The following SLC39A11 variants were observed in gnomAD, a reference collection of about 807,000 sequenced individuals.
SLC39A11 encodes the protein solute carrier family 39 member 11.
Under a neutral mutation model 36.1 loss-of-function variants are expected in SLC39A11, and 33 were observed. That is an observed-to-expected ratio of 0.91 (90% confidence interval 0.69 to 1.22). The LOEUF is 1.22. Ranked by LOEUF, SLC39A11 falls within the 50% of genes most tolerant of loss-of-function variation. The pLI, the probability that SLC39A11 is intolerant of heterozygous loss-of-function variation, is 0.00. For missense variants in SLC39A11, 432 were observed against 430.3 expected, an observed-to-expected ratio of 1.00 and a Z score of -0.03; for synonymous variants, 166 against 170.3, an observed-to-expected ratio of 0.97 and a Z score of 0.20.
intron 5 of SLC39A11, among the ~76,000 whole-genome samples, chr17:72,861,780 A>ATC (rs1170602060): frequency 2.8e-4 from 25 of 87,936 alleles, no homozygotes; most frequent in South Asian, 7.1e-4. Flanking sequence ...ATATATATAT[A>ATC]TATCCAATGC....
chr17:72,753,910 A>AC (rs1316295909), intron 6 of SLC39A11, among the ~76,000 whole-genome samples: 5 of 149,634 alleles, frequency 3.3e-5, no homozygotes, highest in African/African-American at 1.2e-4. Flanking sequence ...AAAAAAAAAA[A>AC]AACCTGCACA....
At chr17:73,012,260 C>A (rs1354733506) in intron 4 of SLC39A11, among the ~76,000 whole-genome samples, 1 of 151,852 alleles carries the variant, frequency 6.6e-6, no homozygotes, top group Non-Finnish European at 1.5e-5. Flanking sequence ...TGTGACAGAG[C>A]AAGACTCTGT....
intron 5 of SLC39A11, among the ~76,000 whole-genome samples, chr17:72,923,347 G>A (rs2147292048): frequency 6.6e-6 from 1 of 152,240 alleles, no homozygotes. Flanking sequence ...GGCCAATGTG[G>A]ACTGGCCCTG....
intron 7 of SLC39A11, among the ~76,000 whole-genome samples, chr17:72,723,647 GAAT>G (rs937478203): frequency 2.6e-5 from 4 of 152,186 alleles, no homozygotes; most frequent in African/African-American, 9.7e-5. Context: ...GACTTCCGTT[GAAT>G]AATGTTATTT....
intron 3 of SLC39A11, among the ~76,000 whole-genome samples, chr17:73,077,332 T>C (rs1336159175): frequency 1.3e-5 from 2 of 152,228 alleles, no homozygotes; most frequent in Non-Finnish European, 2.9e-5. Flanking sequence ...TTATTGTTGT[T>C]TTGGGAGTGG....
At chr17:72,931,975 G>A (rs1441760144) in intron 5 of SLC39A11, among the ~76,000 whole-genome samples, 4 of 152,102 alleles carry the variant, frequency 2.6e-5, no homozygotes, top group Non-Finnish European at 4.4e-5. Flanking sequence ...AGACATGCAC[G>A]TCTTCTACAC....
intron 6 of SLC39A11, among the ~76,000 whole-genome samples, chr17:72,774,235 C>A (rs1414006341): frequency 6.6e-6 from 1 of 152,196 alleles, no homozygotes; most frequent in South Asian, 2.1e-4. Flanking sequence ...CAGACAGGCT[C>A]ATGGCCCTTG....
intron 5 of SLC39A11, among the ~76,000 whole-genome samples, chr17:72,934,090 T>A (rs2084596397): frequency 6.7e-6 from 1 of 149,626 alleles, no homozygotes. Flanking sequence ...AAACTTCAAA[T>A]AGATAGTAGA....
chr17:72,694,665 G>A (rs1380852799), intron 7 of SLC39A11, among the ~76,000 whole-genome samples: 1 of 152,244 alleles, frequency 6.6e-6, no homozygotes, highest in Non-Finnish European at 1.5e-5. Flanking sequence ...TGAATACGAA[G>A]GTGGAGGAAC....
chr17:73,052,903 G>C (rs893929128), intron 3 of SLC39A11, among the ~76,000 whole-genome samples: 16 of 152,182 alleles, frequency 1.1e-4, no homozygotes, highest in Non-Finnish European at 1.6e-4. Flanking sequence ...GTTTCACCAT[G>C]TTGGCCAGGC....
intron 5 of SLC39A11, among the ~76,000 whole-genome samples, chr17:72,892,769 G>A (rs184733605): frequency 4.6e-5 from 7 of 152,316 alleles, no homozygotes; most frequent in African/African-American, 1.7e-4. Flanking sequence ...AATTTCTGAA[G>A]TTTTTTAGAA....
intron 7 of SLC39A11, among the ~76,000 whole-genome samples, chr17:72,696,411 C>T (rs1228762667): frequency 6.6e-6 from 1 of 152,192 alleles, no homozygotes; most frequent in East Asian, 1.9e-4. Context: ...GTGGCTAATA[C>T]TAATCCCCAT....
Position 72,847,854 on chromosome 17 carries a change from C to T in SLC39A11, c.601+1780G>A, listed in dbSNP as rs370027275. On this transcript the variant is annotated intron_variant, in intron 6 of 9. Coordinates refer to ENST00000255559, the MANE Select transcript of SLC39A11 (RefSeq NM_139177.4). ...AGCTTTGTAGAGAAAAATGTCATGA[C>T]TAGAAAGCTTTGCCCAGCCAAGTTC... Among the ~76,000 whole-genome samples the T allele has an allele frequency of 1.4e-4, 22 of 152,270 alleles. 1 individual carries two copies. The highest frequency in any genetic ancestry group is 3.1e-4 in the African/African-American group (13 of 41,550).
chr17:72,712,555 G>A (rs1437875827), intron 7 of SLC39A11, among the ~76,000 whole-genome samples: 1 of 152,120 alleles, frequency 6.6e-6, no homozygotes, highest in Non-Finnish European at 1.5e-5. Context: ...TAAAATTTTG[G>A]ATGGCCTTAC....
chr17:73,048,308 T>A (rs2059388119), intron 3 of SLC39A11, among the ~76,000 whole-genome samples: 1 of 152,136 alleles, frequency 6.6e-6, no homozygotes, highest in Admixed American at 6.5e-5. Context: ...TGTTTCTGTG[T>A]TAATTCGCTT....
chr17:72,844,858 C>T (rs896723402), intron 6 of SLC39A11, among the ~76,000 whole-genome samples: 11 of 152,160 alleles, frequency 7.2e-5, no homozygotes, highest in Non-Finnish European at 5.9e-5. Flanking sequence ...CCCTAAAGCC[C>T]CTGGAGCTGC....
At chr17:72,990,362 C>A (rs985601543) in intron 4 of SLC39A11, among the ~76,000 whole-genome samples, 19 of 152,146 alleles carry the variant, frequency 1.2e-4, no homozygotes, top group African/African-American at 4.3e-4. Flanking sequence ...AGGAAGGGTT[C>A]AAGTATAATA....
intron 5 of SLC39A11, among the ~76,000 whole-genome samples, chr17:72,905,286 A>T (rs1312855115): frequency 4.9e-5 from 6 of 122,676 alleles, no homozygotes; most frequent in African/African-American, 8.9e-5. Context: ...TCTGTTTCCT[A>T]TTTTTTTTTT....
chr17:72,854,992 C>G (rs2079561962), intron 5 of SLC39A11, among the ~76,000 whole-genome samples: 1 of 152,206 alleles, frequency 6.6e-6, no homozygotes, highest in South Asian at 2.1e-4. Flanking sequence ...CAGGGGCCAT[C>G]AGCAAACCCT....
Sources: gnomAD v4.1 joint callset for allele counts (sites outside exome capture counted in the v4.1 genomes callset) on GRCh38, gnomAD v4.1.1 for gene constraint, MANE v1.5 for transcripts, NCBI Gene and HGNC (gene_info 2026-07-23, HGNC 2026-07-21) for gene names.